Variants in CSNK1D observed in about 807,000 individuals in gnomAD.
CSNK1D encodes casein kinase 1 delta, also known as casein kinase I isoform delta.
Under a neutral mutation model 46.6 loss-of-function variants are expected in CSNK1D, and 16 were observed. The ratio of observed to expected loss-of-function variants is 0.34; its 90% CI spans 0.23 to 0.52. The LOEUF is 0.52. Ranked by LOEUF, CSNK1D falls within the 20% of genes least tolerant of loss-of-function variation. CSNK1D has a pLI of 0.95. For synonymous variants in CSNK1D, 276 were observed against 228.2 expected, an observed-to-expected ratio of 1.21 and a Z score of -1.89; for missense variants, 398 against 578.4, an observed-to-expected ratio of 0.69 and a Z score of 3.20.
intron 1 of CSNK1D, among the ~76,000 whole-genome samples, chr17:82,268,523 G>A (rs1016010184): frequency 3.3e-5 from 5 of 152,230 alleles, no homozygotes; most frequent in Non-Finnish European, 5.9e-5. Flanking sequence ...GGTTAAATCC[G>A]AGAAGCACTA....
chr17:82,264,066 G>A (rs1057227261), intron 2 of CSNK1D, among the ~76,000 whole-genome samples: 3 of 152,226 alleles, frequency 2.0e-5, no homozygotes, highest in African/African-American at 7.2e-5. Context: ...ACTTAGAAAC[G>A]TCGGTTTCTT....
Position 82,273,213 on chromosome 17 carries a change from C to T in CSNK1D, c.76+93G>A, listed in dbSNP as rs903999338. 29 of 1,290,934 alleles carry T rather than the reference C, an allele frequency of 2.2e-5. 1 individual carries two copies. The Admixed American group carries it at 4.0e-4, about 18-fold the overall frequency. 80.0% of individuals were successfully genotyped at this position (1,290,934 alleles called of 1,614,324 possible). ...TGCCGGGACTTGCGCGGAGACCCCG[C>T]GGGGGCCACCACTTCCTTCCGCGAT... is the stretch of plus-strand genomic sequence containing the variant. On this transcript the variant is annotated intron_variant, in intron 1 of 8. Coordinates refer to ENST00000314028, the MANE Select transcript of CSNK1D (RefSeq NM_001893.6). The surrounding 1 kb of genome is among the most constrained non-coding windows in gnomAD (Gnocchi z 5.1).
At chr17:82,268,817 G>C (rs1474771271) in intron 1 of CSNK1D, among the ~76,000 whole-genome samples, 2 of 152,020 alleles carry the variant, frequency 1.3e-5, no homozygotes, top group Admixed American at 6.6e-5. Flanking sequence ...ATGGTGGCCG[G>C]GTGTGGTGGT....
At chr17:82,271,995 G>C (rs1027880108) in intron 1 of CSNK1D, 1 of 152,254 alleles carries the variant, frequency 6.6e-6, no homozygotes. Context: ...AAATTCAGGG[G>C]ATCTTGGAAT....
chr17:82,248,632 GGACCTGA>G lies in CSNK1D; in HGVS notation c.1197+236_1197+242del, dbSNP rs1263180004. 8 of 1,369,104 alleles carry G rather than the reference GGACCTGA, an allele frequency of 5.8e-6. No individual in the cohort carries two copies. The highest frequency in any genetic ancestry group is 3.2e-5 in the South Asian group (2 of 63,372). 84.8% of individuals were successfully genotyped at this position (1,369,104 alleles called of 1,614,324 possible). ...AGCCCCCACGGTTTGCTGGCCTCAG[GGACCTGA>G]GACCTGAGACTGGCCACCTGCAACC... On this transcript the variant is annotated intron_variant, in intron 8 of 8. Transcript: ENST00000314028. This position sits in a 1 kb window ranked among gnomAD's most constrained non-coding sequence, Gnocchi z 4.1.
intron 8 of CSNK1D, chr17:82,246,549 AC>A: frequency 1.9e-6 from 2 of 1,048,584 alleles, no homozygotes; most frequent in Non-Finnish European, 2.3e-6. Context: ...GGCCCAGGCT[AC>A]TGTAGCCAAA....
chr17:82,251,074 G>GC lies in CSNK1D; in HGVS notation c.885+304dup. 3 of 418,666 alleles carry GC rather than the reference G, an allele frequency of 7.2e-6. No homozygotes were observed. Among genetic ancestry groups the GC allele is most frequent in the Non-Finnish European group, 9.0e-6 (2 of 222,428 alleles). 25.9% of individuals were successfully genotyped at this position (418,666 alleles called of 1,614,324 possible). A position where few individuals can be genotyped will look rare whatever the true frequency, so the allele number is the denominator to read the frequency against. On this transcript the variant is annotated intron_variant, in intron 6 of 8. Coordinates refer to ENST00000314028, the MANE Select transcript of CSNK1D (RefSeq NM_001893.6). The surrounding 1 kb of genome is among the most constrained non-coding windows in gnomAD (Gnocchi z 4.5). ...TGCGCACCCCCAGCCCCCACCCTCTGCCCCCAGGGCATGCTCTGGGCCCTA... is the reference window on the plus strand; with the variant it reads ...TGCGCACCCCCAGCCCCCACCCTCTGCCCCCCAGGGCATGCTCTGGGCCCTA...
chr17:82,242,085 G>A (rs943939083), downstream of CSNK1D, among the ~76,000 whole-genome samples: 1 of 152,012 alleles, frequency 6.6e-6, no homozygotes, highest in African/African-American at 2.4e-5. Flanking sequence ...GAGCTGGGAG[G>A]GGAGGCGGCC....
chr17:82,265,980 C>A (rs1308284041), intron 1 of CSNK1D, among the ~76,000 whole-genome samples, 184 bp from the exon 2 acceptor site: 1 of 152,196 alleles, frequency 6.6e-6, no homozygotes, highest in African/African-American at 2.4e-5. Flanking sequence ...TATCCATATT[C>A]CCATTTTCAC....
chr17:82,245,706 G>T, intron 8 of CSNK1D: 2 of 481,804 alleles, frequency 4.2e-6, no homozygotes, highest in South Asian at 4.2e-5. Flanking sequence ...AACGGCACAC[G>T]GAACGCAGTC....
chr17:82,262,391 C>G (rs935503671), intron 2 of CSNK1D, among the ~76,000 whole-genome samples: 14 of 152,212 alleles, frequency 9.2e-5, no homozygotes, highest in Non-Finnish European at 1.8e-4. Context: ...GTACCCACTG[C>G]CCAGGGCTGC....
Position 82,249,506 on chromosome 17 carries a change from A to G in CSNK1D, c.982T>C (p.Ser328Pro). The G allele has an allele frequency of 6.5e-7, 1 of 1,544,232 alleles. No homozygotes were observed. Among genetic ancestry groups the G allele is most frequent in the Non-Finnish European group, 8.7e-7 (1 of 1,146,802 alleles). The change falls in exon 7 of 9, where the codon TCC becomes CCC. Residue 328 changes from serine to proline, a missense_variant. Physicochemically the swap from Ser to Pro is moderately conservative, Grantham distance 74. Transcript: ENST00000314028. The surrounding 1 kb of genome is among the most constrained non-coding windows in gnomAD (Gnocchi z 6.7). Reference protein sequence around the residue: ...SRNPATRGLPSTASGRLRGTQ... With the variant: ...SRNPATRGLPPTASGRLRGTQ... ...CCCCGCAGGCGGCCGGAGGCTGTGG[A>G]AGGGAGGCCGCGGGTAGCCGGGTTC... is the stretch of plus-strand genomic sequence containing the variant.
rs1390633970 is a variant in CSNK1D, at chr17:82,273,513, C to G, written c.-132G>C. On this transcript the variant is annotated 5_prime_UTR_variant, in exon 1 of 9. It removes an upstream start codon present in the reference 5' UTR. Transcript: ENST00000314028. This position sits in a 1 kb window ranked among gnomAD's most constrained non-coding sequence, Gnocchi z 5.1. ...GCCCCCCTCACGGCCCCGCTTTCAC[C>G]ATCGCTTTCCTGTCGCCCCGCCGCT... 1.3e-5 allele frequency: 14 copies of G among 1,119,320 alleles called. No homozygotes were observed. Among genetic ancestry groups the G allele is most frequent in the Non-Finnish European group, 1.7e-5 (13 of 781,142 alleles). The allele number at this position is 1,119,320 out of a possible 1,614,324, so 69.3% of individuals were successfully genotyped here.
At chr17:82,246,645 C>G in intron 8 of CSNK1D, 2 of 1,002,162 alleles carry the variant, frequency 2.0e-6, no homozygotes, top group South Asian at 8.3e-5. Flanking sequence ...GGGGCGGGGC[C>G]CTACAACTAT....
Position 82,249,971 on chromosome 17 carries a change from C to A in CSNK1D, c.886-369G>T. On this transcript the variant is annotated intron_variant, in intron 6 of 8. Transcript: ENST00000314028. This position sits in a 1 kb window ranked among gnomAD's most constrained non-coding sequence, Gnocchi z 6.7. ...GACAGGAACCATCGGAGGCCAAAGACAGGCCCCAAATGGTGACAGCTGGGG... is the reference window on the plus strand; with the variant it reads ...GACAGGAACCATCGGAGGCCAAAGAAAGGCCCCAAATGGTGACAGCTGGGG... The A allele has an allele frequency of 8.1e-7, 1 of 1,240,596 alleles. No individual in the cohort carries two copies. 76.8% of individuals were successfully genotyped at this position (1,240,596 alleles called of 1,614,324 possible). A position where few individuals can be genotyped will look rare whatever the true frequency, so the allele number is the denominator to read the frequency against.
At chr17:82,242,030 G>A (rs973854184), downstream of CSNK1D, among the ~76,000 whole-genome samples, 2 of 151,754 alleles carry the variant, frequency 1.3e-5, no homozygotes, top group Non-Finnish European at 2.9e-5. Context: ...GGCCAAGGGA[G>A]TGGCCTGGAG....
chr17:82,244,892 T>C (rs1298845661), intron 8 of CSNK1D, 61 bp from the exon 9 acceptor site: 1 of 1,609,630 alleles, frequency 6.2e-7, no homozygotes, highest in African/African-American at 1.3e-5. Context: ...GCCAGGCAGA[T>C]ACCACAGTGA....
rs1457216678 is a variant in CSNK1D, at chr17:82,248,265, C to T, written c.1197+610G>A. ...GCACGTTAGCAAACGCAAAAGACAA[C>T]AAAAGCCAGAGCGAGGAGAGGAGAG... On this transcript the variant is annotated intron_variant, in intron 8 of 8. Transcript: ENST00000314028. This position sits in a 1 kb window ranked among gnomAD's most constrained non-coding sequence, Gnocchi z 4.1. 9 of 986,388 alleles carry T rather than the reference C, an allele frequency of 9.1e-6. No homozygotes were observed. The highest frequency in any genetic ancestry group is 4.7e-5 in the South Asian group (1 of 21,436). 61.1% of individuals were successfully genotyped at this position (986,388 alleles called of 1,614,324 possible).
chr17:82,251,825 C>CT lies in CSNK1D; in HGVS notation c.737-299dup. On this transcript the variant is annotated intron_variant, in intron 5 of 8. Transcript: ENST00000314028. The surrounding 1 kb of genome is among the most constrained non-coding windows in gnomAD (Gnocchi z 4.5). ...CTAACACAGTGAAACCCCATCTCTA[C>CT]TGAAAAAAAAAAAAAAAAAGTTCTA... The CT allele has an allele frequency of 2.1e-5, 7 of 336,778 alleles. No homozygotes were observed. The highest frequency in any genetic ancestry group is 3.3e-5 in the Non-Finnish European group (6 of 180,222). 20.9% of individuals were successfully genotyped at this position (336,778 alleles called of 1,614,324 possible).
Sources: allele counts gnomAD v4.1 joint callset (sites outside exome capture counted in the v4.1 genomes callset), GRCh38; gene constraint gnomAD v4.1.1; non-coding constraint Gnocchi (gnomAD v3.1); transcripts MANE v1.5; gene names NCBI Gene and HGNC (gene_info 2026-07-23, HGNC 2026-07-21).